Variants in ANO3 observed in about 807,000 individuals in gnomAD.
The protein encoded by ANO3 is anoctamin 3, also known as anoctamin-3.
ANO3 carries 99 observed loss-of-function variants against 144.8 expected under a neutral mutation model. The observed-to-expected ratio is 0.68, with a 90% CI of 0.58 to 0.81. The LOEUF (loss-of-function observed/expected upper bound fraction) is 0.81, where lower values mean the gene tolerates loss of function less well. Among genes scored for constraint, ANO3 ranks in the 30% least tolerant of loss-of-function variants. ANO3 has a pLI of 0.00. For missense variants in ANO3, 905 were observed against 1,202.2 expected (o/e 0.75, Z 3.66); for synonymous variants, 414 against 392.6 (o/e 1.05, Z -0.64).
chr11:26,204,337 A>AGTAATTGTGTT (rs140086073), intron 1 of ANO3, among the ~76,000 whole-genome samples: 6,569 of 152,188 alleles, frequency 0.043, 201 homozygotes, highest in Middle Eastern at 0.065. Flanking sequence ...ACAACACAGT[A>AGTAATTGTGTT]GTAATACCTG....
At chr11:26,548,403 A>C (rs928419027) in intron 12 of ANO3, among the ~76,000 whole-genome samples, 18 of 152,016 alleles carry the variant, frequency 1.2e-4, no homozygotes, top group African/African-American at 4.3e-4. Context: ...GGTAAAATTA[A>C]AAATATGAAA....
upstream of ANO3, among the ~76,000 whole-genome samples, chr11:26,305,469 C>T (rs1322338632): frequency 6.6e-6 from 1 of 151,694 alleles, no homozygotes; most frequent in Admixed American, 6.6e-5. Flanking sequence ...GTTTTTCCAC[C>T]GAGACAGAAG....
chr11:26,631,974 G>C (rs937197228), intron 18 of ANO3, among the ~76,000 whole-genome samples: 1 of 152,072 alleles, frequency 6.6e-6, no homozygotes, highest in African/African-American at 2.4e-5. Context: ...GAGGTCAGGA[G>C]TTCAAAACCA....
intron 3 of ANO3, among the ~76,000 whole-genome samples, chr11:26,447,490 A>G (rs1452540576): frequency 6.6e-6 from 1 of 152,140 alleles, no homozygotes; most frequent in Non-Finnish European, 1.5e-5. Context: ...TCTTTTAATC[A>G]CCACACTAGC....
chr11:26,575,761 AT>A lies in ANO3; in HGVS notation c.1447+15985del, dbSNP rs1461513825. ...AGTAGTAAATCAGACATTTTCAATA[AT>A]TTCTATGTGATGGCTAATAGTACTT... is the stretch of plus-strand genomic sequence containing the variant. On this transcript the variant is annotated intron_variant, in intron 14 of 26. Coordinates refer to ENST00000256737, the MANE Select transcript of ANO3 (RefSeq NM_031418.4). 5.9e-5 allele frequency among the ~76,000 whole-genome samples: 9 copies of A among 152,268 alleles called. No homozygotes were observed. In the East Asian group the frequency reaches 1.7e-3, roughly 29 times the overall value.
chr11:26,260,853 C>A (rs1853171901), intron 1 of ANO3, among the ~76,000 whole-genome samples: 1 of 152,112 alleles, frequency 6.6e-6, no homozygotes, highest in Admixed American at 6.5e-5. Flanking sequence ...CCTGAAGGTT[C>A]TTGGTGGGGC....
chr11:26,644,317 C>A (rs1233075599), intron 23 of ANO3, among the ~76,000 whole-genome samples: 1 of 152,092 alleles, frequency 6.6e-6, no homozygotes, highest in Non-Finnish European at 1.5e-5. Flanking sequence ...CTGTATGATT[C>A]CTGCACAAAT....
intron 4 of ANO3, among the ~76,000 whole-genome samples, chr11:26,505,918 C>T (rs536729904): frequency 7.5e-4 from 107 of 143,282 alleles, no homozygotes; most frequent in African/African-American, 2.7e-3. Flanking sequence ...GCGTGAATCC[C>T]GGAGGCGGAG....
intron 18 of ANO3, among the ~76,000 whole-genome samples, chr11:26,625,690 A>G: frequency 6.6e-6 from 1 of 152,152 alleles, no homozygotes; most frequent in Admixed American, 6.5e-5. Flanking sequence ...AGACACATCA[A>G]GTATTATACA....
intron 1 of ANO3, among the ~76,000 whole-genome samples, chr11:26,355,011 C>CTTTTTTTTTTTTTT (rs5790571): frequency 6.7e-6 from 1 of 148,348 alleles, no homozygotes; most frequent in Non-Finnish European, 1.5e-5. Context: ...AATTGTAACT[C>CTTTTTTTTTTTTTT]TTTTTTTTTT....
In ANO3 at chr11:26,544,255, T is replaced by C. The variant is rs749247699; in HGVS notation, c.1154+2187T>C. On this transcript the variant is annotated intron_variant, in intron 11 of 26. Transcript: ENST00000256737. ...GTTAAGTAGTATTTCATTATACATA[T>C]ATATATATATATATATATACACACA... Among the ~76,000 whole-genome samples, 592 of 63,718 alleles carry C rather than the reference T, an allele frequency of 9.3e-3. 35 individuals are homozygous for C. The highest frequency in any genetic ancestry group is 0.032 in the African/African-American group (554 of 17,562). 41.8% of individuals were successfully genotyped at this position (63,718 alleles called of 152,430 possible). A position where few individuals can be genotyped will look rare whatever the true frequency, so the allele number is the denominator to read the frequency against.
At position 26,517,029 on chromosome 11, in the gene ANO3, T is replaced by C. The variant is rs1039632945; in HGVS notation, c.692+102T>C. The C allele has an allele frequency of 1.9e-5, 11 of 565,250 alleles. No individual in the cohort carries two copies. The South Asian group carries it at 3.3e-4, about 17-fold the overall frequency. The allele number at this position is 565,250 out of a possible 1,614,324, so 35.0% of individuals were successfully genotyped here. ...AATGCAACCCCTTCTACAGAGAAAA[T>C]GCTTTTTCTTTCAAAATTTCAGTTA... On this transcript the variant is annotated intron_variant, in intron 6 of 26. Transcript: ENST00000256737.
intron 14 of ANO3, among the ~76,000 whole-genome samples, chr11:26,577,585 G>A (rs1851023249): frequency 6.6e-6 from 1 of 151,132 alleles, no homozygotes; most frequent in East Asian, 1.9e-4. Flanking sequence ...AAAAAAGAGA[G>A]AGAGAGAGAA....
At chr11:26,417,045 C>A (rs955378436) in intron 1 of ANO3, among the ~76,000 whole-genome samples, 1 of 152,076 alleles carries the variant, frequency 6.6e-6, no homozygotes, top group Non-Finnish European at 1.5e-5. Flanking sequence ...AGTTTATAAT[C>A]TCTTTAGTTA....
intron 14 of ANO3, among the ~76,000 whole-genome samples, chr11:26,591,699 C>T (rs1025102852): frequency 6.6e-6 from 1 of 152,056 alleles, no homozygotes; most frequent in Non-Finnish European, 1.5e-5. Flanking sequence ...GGTAAGAGAA[C>T]AGTAAAAAGA....
chr11:26,455,884 C>A (rs907877131), intron 3 of ANO3, among the ~76,000 whole-genome samples: 6 of 151,596 alleles, frequency 4.0e-5, no homozygotes, highest in Admixed American at 1.3e-4. Flanking sequence ...AGATATAGAT[C>A]AATGGAACAG....
At chr11:26,251,578 A>T (rs1852928087) in intron 1 of ANO3, among the ~76,000 whole-genome samples, 1 of 152,158 alleles carries the variant, frequency 6.6e-6, no homozygotes, top group Non-Finnish European at 1.5e-5. Context: ...GCAGCAAAGG[A>T]TCATATTTTG....
At chr11:26,319,121 T>C (rs1337751669) in intron 1 of ANO3, among the ~76,000 whole-genome samples, 2 of 147,598 alleles carry the variant, frequency 1.4e-5, no homozygotes, top group African/African-American at 5.1e-5. Context: ...GAACTACAGG[T>C]GTGTGCCACT....
chr11:26,229,700 A>G (rs1053597650), intron 1 of ANO3, among the ~76,000 whole-genome samples: 1 of 152,006 alleles, frequency 6.6e-6, no homozygotes. Flanking sequence ...GGTCGACAGC[A>G]CATGTTTTTA....
Sources: gnomAD v4.1 joint callset for allele counts (sites outside exome capture counted in the v4.1 genomes callset) on GRCh38, gnomAD v4.1.1 for gene constraint, MANE v1.5 for transcripts, NCBI Gene and HGNC (gene_info 2026-07-23, HGNC 2026-07-21) for gene names.